Variants in NWD2 observed in about 807,000 individuals in gnomAD.
NWD2 encodes NACHT and WD repeat domain containing 2.
In NWD2, 37 loss-of-function variants were observed where a neutral mutation model predicts 132.7. The ratio of observed to expected loss-of-function variants is 0.28; its 90% CI spans 0.21 to 0.37. The LOEUF (loss-of-function observed/expected upper bound fraction) is 0.37. Ranked by LOEUF, NWD2 falls within the 10% of genes least tolerant of loss-of-function variation. The pLI, the probability that NWD2 is intolerant of heterozygous loss-of-function variation, is 1.00. For missense variants in NWD2, 1,592 were observed against 2,122.4 expected (o/e 0.75, Z 4.91); for synonymous variants, 705 against 803.0 (o/e 0.88, Z 2.06).
intron 3 of NWD2, among the ~76,000 whole-genome samples, chr4:37,409,470 A>G (rs1388212793): frequency 2.0e-5 from 3 of 152,074 alleles, no homozygotes; most frequent in African/African-American, 7.2e-5. Context: ...AAAAAAATAA[A>G]AAGGAATGAA....
chr4:37,336,965 A>AC (rs1374820313), intron 2 of NWD2, among the ~76,000 whole-genome samples: 13 of 151,296 alleles, frequency 8.6e-5, no homozygotes, highest in Middle Eastern at 3.4e-3. Context: ...AAAAAAAAAA[A>AC]AAAAAACAAG....
intron 1 of NWD2, among the ~76,000 whole-genome samples, chr4:37,267,758 T>A (rs996080150): frequency 6.6e-6 from 1 of 151,958 alleles, no homozygotes; most frequent in African/African-American, 2.4e-5. Context: ...TACAACATAA[T>A]TAAACAATAA....
chr4:37,298,435 G>C (rs1195111181), intron 1 of NWD2, among the ~76,000 whole-genome samples: 1 of 152,154 alleles, frequency 6.6e-6, no homozygotes, highest in Non-Finnish European at 1.5e-5. Context: ...CGATCACCTA[G>C]GTGCGAGAGC....
intron 1 of NWD2, among the ~76,000 whole-genome samples, chr4:37,321,211 T>C (rs994353828): frequency 4.6e-5 from 7 of 152,156 alleles, no homozygotes; most frequent in African/African-American, 1.7e-4. Context: ...TTGTTGAAGA[T>C]AGAGCTGTAT....
chr4:37,296,182 C>T (rs1159638045), intron 1 of NWD2, among the ~76,000 whole-genome samples: 2 of 152,160 alleles, frequency 1.3e-5, no homozygotes, highest in East Asian at 3.9e-4. Context: ...GGCCCCCAAG[C>T]TTAGTGCTGA....
At chr4:37,395,650 G>C (rs977050355) in intron 3 of NWD2, among the ~76,000 whole-genome samples, 2 of 147,832 alleles carry the variant, frequency 1.4e-5, no homozygotes, top group East Asian at 4.0e-4. Context: ...GATCCATTAT[G>C]GGGAAGGGGC....
chr4:37,318,973 A>G (rs1344559720), intron 1 of NWD2, among the ~76,000 whole-genome samples: 2 of 152,082 alleles, frequency 1.3e-5, no homozygotes, highest in East Asian at 3.9e-4. Flanking sequence ...AGAATGATTT[A>G]TGTTCTTTTG....
chr4:37,411,574 A>C (rs1381521981), intron 3 of NWD2, among the ~76,000 whole-genome samples: 1 of 152,226 alleles, frequency 6.6e-6, no homozygotes, highest in Non-Finnish European at 1.5e-5. Flanking sequence ...AGCTGGTACC[A>C]TTCCTTCTGA....
intron 1 of NWD2, among the ~76,000 whole-genome samples, chr4:37,275,128 G>A (rs914664322): frequency 3.3e-5 from 5 of 152,138 alleles, no homozygotes; most frequent in African/African-American, 9.7e-5. Flanking sequence ...TAGGAAAAGA[G>A]GAAGTCAAAT....
intron 3 of NWD2, among the ~76,000 whole-genome samples, chr4:37,406,351 A>C (rs1721042957): frequency 6.6e-6 from 1 of 152,208 alleles, no homozygotes; most frequent in South Asian, 2.1e-4. Flanking sequence ...TACAGTGGGA[A>C]GGACAGCACC....
intron 3 of NWD2, among the ~76,000 whole-genome samples, chr4:37,381,621 A>G (rs1019177093): frequency 6.6e-6 from 1 of 152,216 alleles, no homozygotes; most frequent in Admixed American, 6.5e-5. Context: ...GAAATACACA[A>G]TTATGAAATT....
intron 2 of NWD2, among the ~76,000 whole-genome samples, chr4:37,354,405 G>A (rs1002339725): frequency 1.2e-4 from 18 of 152,162 alleles, no homozygotes; most frequent in South Asian, 6.2e-4. Flanking sequence ...CTTCAGAGCC[G>A]ATAGGCAGGA....
At chr4:37,394,842 C>T (rs1720754886) in intron 3 of NWD2, among the ~76,000 whole-genome samples, 1 of 79,694 alleles carries the variant, frequency 1.3e-5, no homozygotes, top group Non-Finnish European at 2.5e-5. Context: ...GCAGAGCCTC[C>T]CTCCACTGCC....
chr4:37,246,230 G>A (rs1266278246), intron 1 of NWD2, among the ~76,000 whole-genome samples: 1 of 152,194 alleles, frequency 6.6e-6, no homozygotes, highest in Admixed American at 6.5e-5. Flanking sequence ...ACATTCAAAC[G>A]ATCATTGGAT....
Position 37,443,862 on chromosome 4 carries a change from C to G in NWD2, c.1874C>G (p.Ser625Cys). 1 of 1,552,270 alleles carries G rather than the reference C, an allele frequency of 6.4e-7. No homozygotes were observed. The highest frequency in any genetic ancestry group is 8.7e-7 in the Non-Finnish European group (1 of 1,147,122). Residue 625 changes from serine to cysteine, a missense_variant, in exon 7 of 7, where the codon TCT becomes TGT. Physicochemically the swap from Ser to Cys is moderately radical, Grantham distance 112. Coordinates refer to ENST00000309447, the MANE Select transcript of NWD2 (RefSeq NM_001144990.2). The surrounding 1 kb of genome is among the most constrained non-coding windows in gnomAD (Gnocchi z 4.1). ...LTFREVRHWRSHKDVDESSLS... is the reference protein window; with the variant it reads ...LTFREVRHWRCHKDVDESSLS... ...TTCAGGGAGGTGAGGCACTGGAGAT[C>G]TCACAAAGACGTCGATGAATCCTCC...
At chr4:37,370,064 T>A (rs1360151460) in intron 3 of NWD2, among the ~76,000 whole-genome samples, 1 of 152,210 alleles carries the variant, frequency 6.6e-6, no homozygotes, top group Non-Finnish European at 1.5e-5. Flanking sequence ...CTCACTCCTT[T>A]CCAGTTTTGC....
intron 3 of NWD2, among the ~76,000 whole-genome samples, chr4:37,396,522 A>G (rs1296840728): frequency 6.6e-6 from 1 of 152,202 alleles, no homozygotes; most frequent in African/African-American, 2.4e-5. Context: ...ACCAGTCTCC[A>G]TATTTTCAAA....
chr4:37,441,444 C>T (rs747598464), intron 6 of NWD2, among the ~76,000 whole-genome samples: 54 of 152,254 alleles, frequency 3.5e-4, no homozygotes, highest in East Asian at 7.7e-4. Flanking sequence ...GCATACAGGC[C>T]GCTGGAGGAA....
intron 1 of NWD2, among the ~76,000 whole-genome samples, chr4:37,294,808 C>T (rs186980413): frequency 4.6e-5 from 7 of 152,250 alleles, no homozygotes; most frequent in Admixed American, 2.6e-4. Context: ...GTATCTGAGA[C>T]GAATCTCAAT....
Sources: allele counts gnomAD v4.1 joint callset (sites outside exome capture counted in the v4.1 genomes callset), GRCh38; gene constraint gnomAD v4.1.1; non-coding constraint Gnocchi (gnomAD v3.1); transcripts MANE v1.5; gene names NCBI Gene and HGNC (gene_info 2026-07-23, HGNC 2026-07-21).